Variants in TJP2 observed in about 807,000 individuals in gnomAD.
The protein encoded by TJP2 is tight junction protein 2.
TJP2 carries 91 observed loss-of-function variants against 133.1 expected under a neutral mutation model. That is an observed-to-expected ratio of 0.68 (90% CI 0.58 to 0.81). The LOEUF (loss-of-function observed/expected upper bound fraction) is 0.81. TJP2 is among the 40% of genes least tolerant of loss of function. TJP2 has a pLI of 0.00. For synonymous variants in TJP2, 592 were observed against 583.4 expected, an observed-to-expected ratio of 1.01 and a Z score of -0.21; for missense variants, 1,541 against 1,565.6, an observed-to-expected ratio of 0.98 and a Z score of 0.26.
chr9:69,151,244 A>C (rs1303583962), intron 1 of TJP2, among the ~76,000 whole-genome samples: 2 of 152,080 alleles, frequency 1.3e-5, no homozygotes, highest in Non-Finnish European at 2.9e-5. Context: ...CACTTTGGGA[A>C]GTCGAGGTGG....
chr9:69,140,771 G>T (rs1822985295), intron 1 of TJP2, among the ~76,000 whole-genome samples: 1 of 152,212 alleles, frequency 6.6e-6, no homozygotes, highest in Admixed American at 6.5e-5. Context: ...GCTCATAGTA[G>T]AAACAGCGTA....
chr9:69,197,869 T>C (rs1826699565), intron 1 of TJP2, among the ~76,000 whole-genome samples: 1 of 152,174 alleles, frequency 6.6e-6, no homozygotes, highest in African/African-American at 2.4e-5. Flanking sequence ...TGGACACCAT[T>C]GTCTACCTCC....
intron 12 of TJP2, among the ~76,000 whole-genome samples, chr9:69,235,386 A>T (rs1434510176): frequency 1.3e-5 from 2 of 151,880 alleles, no homozygotes; most frequent in Non-Finnish European, 2.9e-5. Context: ...GCAGTGGAGC[A>T]ATCTTGGCTC....
rs540135451 is a variant in TJP2, at chr9:69,220,272, G to A, written c.343-615G>A. ...ACATTAATATGATTTGTAAAATTCA[G>A]ATGAGATTGGGCACGTTCAGGATGG... On this transcript the variant is annotated intron_variant, in intron 4 of 22. Coordinates refer to ENST00000377245, the MANE Select transcript of TJP2 (RefSeq NM_004817.4). Among the ~76,000 whole-genome samples, 15 of 152,286 alleles carry A rather than the reference G, an allele frequency of 9.8e-5. No individual in the cohort carries two copies. The South Asian group carries it at 3.1e-3, about 32-fold the overall frequency.
intron 5 of TJP2, among the ~76,000 whole-genome samples, chr9:69,224,011 T>A (rs1829122967): frequency 1.3e-5 from 2 of 152,258 alleles, no homozygotes. Flanking sequence ...TTTCCTAAAA[T>A]GTGAACAGTT....
intron 1 of TJP2, among the ~76,000 whole-genome samples, chr9:69,189,374 A>G (rs1210268658): frequency 6.6e-6 from 1 of 152,092 alleles, no homozygotes; most frequent in Non-Finnish European, 1.5e-5. Context: ...TTTCCCCAGG[A>G]CCCAGAATTG....
At chr9:69,195,744 A>G (rs1289008075) in intron 1 of TJP2, among the ~76,000 whole-genome samples, 1 of 152,212 alleles carries the variant, frequency 6.6e-6, no homozygotes, top group East Asian at 1.9e-4. Flanking sequence ...TATATACCAA[A>G]GCTGACTGTT....
intron 3 of TJP2, among the ~76,000 whole-genome samples, chr9:69,217,660 TGGG>T (rs1828492534): frequency 6.6e-6 from 1 of 152,174 alleles, no homozygotes; most frequent in Non-Finnish European, 1.5e-5. Flanking sequence ...CAGTCCTTCC[TGGG>T]TGAGAGAGGG....
chr9:69,241,621 C>T (rs1300608595), intron 17 of TJP2, among the ~76,000 whole-genome samples: 7 of 152,172 alleles, frequency 4.6e-5, no homozygotes, highest in Admixed American at 6.5e-5. Context: ...TGTAGTCTTA[C>T]GTACTCATAC....
At chr9:69,218,449 A>G in intron 4 of TJP2, 90 bp downstream of exon 4, 1 of 930,450 alleles carries the variant, frequency 1.1e-6, no homozygotes, top group Non-Finnish European at 1.7e-6. Flanking sequence ...AGCATTTGAC[A>G]GAATTACATA....
At position 69,127,794 on chromosome 9, in the gene TJP2, A is replaced by G. The variant is rs116158116; in HGVS notation, c.-131+6069A>G. ...CTTAGCATGTTTGCAAGGTTTATCTATGGGAGCCGTGGTTTACTCCAGTAA... is the reference window on the plus strand; with the variant it reads ...CTTAGCATGTTTGCAAGGTTTATCTGTGGGAGCCGTGGTTTACTCCAGTAA... On this transcript the variant is annotated intron_variant, in intron 1 of 5. Coordinates refer to the TJP2 transcript ENST00000423935. Among the ~76,000 whole-genome samples, 743 of 76,288 alleles carry G rather than the reference A, an allele frequency of 9.7e-3. 270 individuals are homozygous for G. Among genetic ancestry groups the G allele is most frequent in the African/African-American group, 0.028 (695 of 24,918 alleles). 50.0% of individuals were successfully genotyped at this position (76,288 alleles called of 152,430 possible).
intron 19 of TJP2, chr9:69,248,583 A>G: frequency 1.7e-6 from 2 of 1,185,972 alleles, no homozygotes; most frequent in Non-Finnish European, 1.0e-6. Context: ...TTCTCTCTGT[A>G]CTCTTAGATG....
At chr9:69,189,496 G>T (rs933460885) in intron 1 of TJP2, among the ~76,000 whole-genome samples, 8 of 152,186 alleles carry the variant, frequency 5.3e-5, no homozygotes, top group African/African-American at 1.9e-4. Flanking sequence ...ATATGCCTGT[G>T]GTCCCAACTA....
At chr9:69,218,952 T>TTGTGTG (rs373006256) in intron 4 of TJP2, among the ~76,000 whole-genome samples, 8 of 148,034 alleles carry the variant, frequency 5.4e-5, no homozygotes, top group African/African-American at 2.0e-4. Flanking sequence ...ACATATATGG[T>TTGTGTG]TGTGTGTGTG....
chr9:69,248,698 T>C, intron 19 of TJP2: 1 of 1,006,304 alleles, frequency 9.9e-7, no homozygotes, highest in Non-Finnish European at 1.2e-6. Flanking sequence ...AGTTTTTTAA[T>C]TGAGTTCATG....
At chr9:69,249,190 A>G in intron 19 of TJP2, 185 bp from the exon 20 acceptor site, 1 of 985,446 alleles carries the variant, frequency 1.0e-6, no homozygotes, top group Non-Finnish European at 1.2e-6. Flanking sequence ...CATTGGATGC[A>G]GCCAGTTTTT....
intron 7 of TJP2, among the ~76,000 whole-genome samples, chr9:69,226,819 T>C (rs1439751250): frequency 5.9e-5 from 9 of 152,220 alleles, no homozygotes; most frequent in African/African-American, 1.9e-4. Context: ...TCTTTAAAAG[T>C]GGCTATTAAT....
intron 1 of TJP2, among the ~76,000 whole-genome samples, chr9:69,148,706 G>A (rs1456308698): frequency 6.6e-6 from 1 of 152,148 alleles, no homozygotes; most frequent in African/African-American, 2.4e-5. Context: ...GCAGGGATGT[G>A]CTTGGGCTTC....
chr9:69,221,553 T>C, intron 5 of TJP2, 57 bp downstream of exon 5: 2 of 1,558,330 alleles, frequency 1.3e-6, no homozygotes, highest in Non-Finnish European at 1.7e-6. Flanking sequence ...AACCTTTGTT[T>C]TCTTAATTTT....
Sources: gnomAD v4.1 joint callset for allele counts (sites outside exome capture counted in the v4.1 genomes callset) on GRCh38, gnomAD v4.1.1 for gene constraint, MANE v1.5 for transcripts, NCBI Gene and HGNC (gene_info 2026-07-23, HGNC 2026-07-21) for gene names.